FPGT: variants seen among roughly 807,000 people sequenced by gnomAD.
The protein encoded by FPGT is fucose-1-phosphate guanylyltransferase.
Under a neutral mutation model 45.8 loss-of-function variants are expected in FPGT, and 41 were observed. The ratio of observed to expected loss-of-function variants is 0.90; its 90% CI spans 0.70 to 1.16. The LOEUF (loss-of-function observed/expected upper bound fraction) is 1.16. Ranked by LOEUF, FPGT falls within the 50% of genes most tolerant of loss-of-function variation. FPGT has a pLI of 0.00. For synonymous variants in FPGT, 292 were observed against 247.2 expected (o/e 1.18, Z -1.70); for missense variants, 755 against 689.1 (o/e 1.10, Z -1.07).
chr1:74,198,966 T>C (rs1042360018), intron 1 of FPGT, among the ~76,000 whole-genome samples: 6 of 152,246 alleles, frequency 3.9e-5, no homozygotes, highest in Admixed American at 2.0e-4. Context: ...CTTTCAGGAC[T>C]ATTAGATTCT....
rs755892661 is a variant in FPGT at position 74,205,872 on chromosome 1, C to T, written c.*40C>T. 3 of 1,163,744 alleles carry T rather than the reference C, an allele frequency of 2.6e-6. No homozygotes were observed. Among genetic ancestry groups the T allele is most frequent in the Non-Finnish European group, 3.7e-6 (3 of 813,048 alleles). 72.1% of individuals were successfully genotyped at this position (1,163,744 alleles called of 1,614,324 possible). A position where few individuals can be genotyped will look rare whatever the true frequency, so the allele number is the denominator to read the frequency against. ...TTGTACACTTTGCCTTTTTGAGTAA[C>T]ATTCCAGAGATAGGTATTTTTTGTA... On this transcript the variant is annotated 3_prime_UTR_variant, in exon 4 of 4. Transcript: ENST00000370898.
Position 74,205,017 on chromosome 1 carries a change from A to G in FPGT, c.970A>G (p.Ile324Val), listed in dbSNP as rs756394011. ...VEYTRNTSNV[I>V]KEESELVEMR... The stretch of plus-strand genomic sequence containing the variant: ...GTACACCAGAAACACATCAAATGTC[A>G]TTAAAGAAGAGTCAGAGTTGGTAGA... Residue 324 changes from isoleucine (I) to valine (V), a missense_variant, in exon 4 of 4, where the codon ATT (isoleucine) becomes GTT (valine). Ile to Val is a conservative substitution (Grantham distance 29, BLOSUM62 3). Transcript: ENST00000370898. 78 of 1,613,568 alleles carry G rather than the reference A, an allele frequency of 4.8e-5. No homozygotes were observed. Among genetic ancestry groups the G allele is most frequent in the Non-Finnish European group, 6.4e-5 (76 of 1,179,666 alleles).
intron 3 of FPGT, among the ~76,000 whole-genome samples, chr1:74,202,742 A>G (rs1396832212): frequency 6.6e-6 from 1 of 152,216 alleles, no homozygotes; most frequent in African/African-American, 2.4e-5. Context: ...TTGTAATAAC[A>G]TTCAGCTTAA....
In FPGT at chr1:74,204,553, A is replaced by G. The variant is rs547793107; in HGVS notation, c.506A>G (p.Asp169Gly). 2.1e-5 allele frequency: 33 copies of G among 1,608,790 alleles called. No homozygotes were observed. In the Middle Eastern group the frequency reaches 6.6e-4, roughly 32 times the overall value. ...GGAATTCTGGTTACCTGTGCAGATGATATTGAACTTTATAGTATTGGAGAA... is the reference window on the plus strand; with the variant it reads ...GGAATTCTGGTTACCTGTGCAGATGGTATTGAACTTTATAGTATTGGAGAA... ...NPGILVTCAD[D>G]IELYSIGEFE... Residue 169 changes from aspartate (D) to glycine (G), a missense_variant, in exon 4 of 4, where the codon GAT becomes GGT. Coordinates refer to ENST00000370898, the MANE Select transcript of FPGT (RefSeq NM_003838.5).
chr1:74,205,908 C>G lies in FPGT; in HGVS notation c.*76C>G. 2 of 794,686 alleles carry G rather than the reference C, an allele frequency of 2.5e-6. No homozygotes were observed. Among genetic ancestry groups the G allele is most frequent in the East Asian group, 2.5e-5 (1 of 40,634 alleles). The allele number at this position is 794,686 out of a possible 1,614,324, so 49.2% of individuals were successfully genotyped here. On this transcript the variant is annotated 3_prime_UTR_variant, in exon 4 of 4. Transcript: ENST00000370898. ...TAGGTATTTTTTGTAGGCTGTTTCACTGAACTCAGTTAATGAAAACTGTAT... is the reference window on the plus strand; with the variant it reads ...TAGGTATTTTTTGTAGGCTGTTTCAGTGAACTCAGTTAATGAAAACTGTAT...
At position 74,206,073 on chromosome 1, in the gene FPGT, A is replaced by T. The variant is rs1652260028; in HGVS notation, c.*241A>T. 3 of 326,946 alleles carry T rather than the reference A, an allele frequency of 9.2e-6. No individual in the cohort carries two copies. Among genetic ancestry groups the T allele is most frequent in the Non-Finnish European group, 1.7e-5 (3 of 180,588 alleles). The allele number at this position is 326,946 out of a possible 1,614,324, so 20.3% of individuals were successfully genotyped here. A position where few individuals can be genotyped will look rare whatever the true frequency, so the allele number is the denominator to read the frequency against. On this transcript the variant is annotated 3_prime_UTR_variant, in exon 4 of 4. Coordinates refer to ENST00000370898, the MANE Select transcript of FPGT (RefSeq NM_003838.5). ...GTATTTTTGTTTTTAATAATGATTG[A>T]TTTGTGGAGCATTGTTTTTTCACAT...
rs1342325983 is a variant in FPGT, at chr1:74,207,659, T to G, written c.*1827T>G. ...GAAAGAGATTTCTCACAAATTGACG[T>G]CATATTAACATGTCAATATGAAAAT... On this transcript the variant is annotated 3_prime_UTR_variant, in exon 4 of 4. Coordinates refer to ENST00000370898, the MANE Select transcript of FPGT (RefSeq NM_003838.5). Among the ~76,000 whole-genome samples the G allele has an allele frequency of 7.3e-6, 1 of 136,240 alleles. No individual in the cohort carries two copies. The highest frequency in any genetic ancestry group is 7.9e-5 in the Admixed American group (1 of 12,662). 89.4% of individuals were successfully genotyped at this position (136,240 alleles called of 152,430 possible).
chr1:74,200,318 G>A (rs1004581694), intron 2 of FPGT, among the ~76,000 whole-genome samples: 1 of 152,080 alleles, frequency 6.6e-6, no homozygotes, highest in Non-Finnish European at 1.5e-5. Flanking sequence ...ACCGTCCATT[G>A]CAAATAGAAA....
rs891241879 is a variant in FPGT, at chr1:74,206,544, A to G, written c.*712A>G. ...ACACAAAACTCAGTTATCTGTGGGG[A>G]AAGTGGTAGTAATAATTGAGATTCA... is the stretch of plus-strand genomic sequence containing the variant. On this transcript the variant is annotated 3_prime_UTR_variant, in exon 4 of 4. Transcript: ENST00000370898. The G allele has an allele frequency of 3.9e-5, 6 of 152,094 alleles. No homozygotes were observed. The highest frequency in any genetic ancestry group is 4.4e-5 in the Non-Finnish European group (3 of 67,960). 9.4% of individuals were successfully genotyped at this position (152,094 alleles called of 1,614,324 possible).
At chr1:74,202,595 T>G (rs1375411908) in intron 3 of FPGT, among the ~76,000 whole-genome samples, 2 of 152,278 alleles carry the variant, frequency 1.3e-5, no homozygotes, top group Admixed American at 6.5e-5. Flanking sequence ...AAACAGAAAC[T>G]TATTAGCTCT....
intron 1 of FPGT, among the ~76,000 whole-genome samples, chr1:74,198,896 T>C (rs1054917645): frequency 1.3e-5 from 2 of 152,326 alleles, no homozygotes; most frequent in Admixed American, 6.5e-5. Flanking sequence ...AAAGTGATTA[T>C]ATTTGTGTTG....
At chr1:74,198,981 G>A (rs774722607) in intron 1 of FPGT, among the ~76,000 whole-genome samples, 66 of 152,170 alleles carry the variant, frequency 4.3e-4, no homozygotes, top group Admixed American at 2.1e-3. Context: ...GATTCTAGCT[G>A]ACAAGTTCTG....
Position 74,208,031 on chromosome 1 carries a change from G to C in FPGT, c.*2199G>C, listed in dbSNP as rs919400727. Among the ~76,000 whole-genome samples, 4 of 151,964 alleles carry C rather than the reference G, an allele frequency of 2.6e-5. No homozygotes were observed. The highest frequency in any genetic ancestry group is 9.7e-5 in the African/African-American group (4 of 41,402). On this transcript the variant is annotated 3_prime_UTR_variant, in exon 4 of 4. Transcript: ENST00000370898. ...CAATAATGTACCTAATTCAACTGAA[G>C]TGACAGTCATATACGCAGATATGAC...
chr1:74,201,433 TA>T lies in FPGT; in HGVS notation c.343+24del, dbSNP rs780266860. The T allele has an allele frequency of 6.0e-6, 9 of 1,503,356 alleles. No homozygotes were observed. In the African/African-American group the frequency reaches 1.1e-4, roughly 19 times the overall value. The allele number at this position is 1,503,356 out of a possible 1,614,324, so 93.1% of individuals were successfully genotyped here. ...CTGGTAATGTTATACTTTACTAATT[TA>T]CATTTTCTTTTTAGTCTTCCACCTT... On this transcript the variant is annotated intron_variant, in intron 3 of 3. Transcript: ENST00000370898.
chr1:74,208,578 AG>A lies in FPGT; in HGVS notation c.*2749del, dbSNP rs1259132369. 1.3e-5 allele frequency among the ~76,000 whole-genome samples: 2 copies of A among 152,120 alleles called. No homozygotes were observed. Among genetic ancestry groups the A allele is most frequent in the Non-Finnish European group, 2.9e-5 (2 of 67,988 alleles). On this transcript the variant is annotated 3_prime_UTR_variant, in exon 4 of 4. Coordinates refer to ENST00000370898, the MANE Select transcript of FPGT (RefSeq NM_003838.5). ...ATTGATGATTTAATAACTATCAACAAGGGCATGGGAAAAATTCAACATTTGA... is the reference window on the plus strand; with the variant it reads ...ATTGATGATTTAATAACTATCAACAAGGCATGGGAAAAATTCAACATTTGA...
chr1:74,201,938 T>C (rs887940976), intron 3 of FPGT, among the ~76,000 whole-genome samples: 7 of 152,206 alleles, frequency 4.6e-5, no homozygotes, highest in African/African-American at 1.7e-4. Context: ...GGAAGGGTGG[T>C]TTAACACTGT....
Position 74,204,714 on chromosome 1 carries a change from TC to T in FPGT, c.668del (p.Ser223PhefsTer11), listed in dbSNP as rs1557672668. ...DLKHRDLEYR[S>X]CHRFLHKPSI... The stretch of plus-strand genomic sequence containing the variant: ...AAAACATAGAGACCTTGAATACAGG[TC>T]TTGCCATCGTTTCCTTCATAAGCCC... On this transcript the variant is annotated frameshift_variant, in exon 4 of 4. Coordinates refer to ENST00000370898, the MANE Select transcript of FPGT (RefSeq NM_003838.5). LOFTEE classifies it high-confidence loss of function. 1.1e-5 allele frequency: 18 copies of T among 1,613,970 alleles called. No homozygotes were observed. The highest frequency in any genetic ancestry group is 1.5e-5 in the Non-Finnish European group (18 of 1,179,870).
In FPGT at chr1:74,205,645, CTTT is replaced by C. The variant is rs1388196111; in HGVS notation, c.1599_1601del (p.Leu534del). 2 of 1,611,564 alleles carry C rather than the reference CTTT, an allele frequency of 1.2e-6. No individual in the cohort carries two copies. Among genetic ancestry groups the C allele is most frequent in the African/African-American group, 1.3e-5 (1 of 74,990 alleles). On this transcript the variant is annotated inframe_deletion, in exon 4 of 4. Transcript: ENST00000370898. Reference sequence around the variant, plus strand: ...GCACGCATTTTCCCAGTTTGTTCTTCTTTGAGTGACTCAGTTATAACATCCCTA... The same window carrying C: ...GCACGCATTTTCCCAGTTTGTTCTTCGAGTGACTCAGTTATAACATCCCTA...
Position 74,208,655 on chromosome 1 carries a change from G to C in FPGT, c.*2823G>C, listed in dbSNP as rs116250545. Reference sequence around the variant, plus strand: ...ATTCTCTAAGCAAAGCAGAAATAAAGGATATGTATCAGTGTATACTGATTG... The same window carrying C: ...ATTCTCTAAGCAAAGCAGAAATAAACGATATGTATCAGTGTATACTGATTG... On this transcript the variant is annotated 3_prime_UTR_variant, in exon 4 of 4. Coordinates refer to ENST00000370898, the MANE Select transcript of FPGT (RefSeq NM_003838.5). Among the ~76,000 whole-genome samples, 852 of 152,100 alleles carry C rather than the reference G, an allele frequency of 5.6e-3. 7 individuals carry two copies. Among genetic ancestry groups the C allele is most frequent in the Middle Eastern group, 0.041 (12 of 294 alleles).
Sources: gnomAD v4.1 joint callset for allele counts (sites outside exome capture counted in the v4.1 genomes callset) on GRCh38, gnomAD v4.1.1 for gene constraint, MANE v1.5 for transcripts, NCBI Gene and HGNC (gene_info 2026-07-23, HGNC 2026-07-21) for gene names.